The following TPO variants were observed in gnomAD, a reference collection of about 807,000 sequenced individuals.
TPO encodes thyroid peroxidase, also known as thyroid microsomal antigen.
In TPO, 78 loss-of-function variants were observed where a neutral mutation model predicts 96.9. The ratio of observed to expected loss-of-function variants is 0.81; its 90% CI spans 0.67 to 0.97. The LOEUF is 0.97. Among genes scored for constraint, TPO ranks in the 50% least tolerant of loss-of-function variants. TPO has a pLI of 0.00. For missense variants in TPO, 1,252 were observed against 1,274.8 expected (o/e 0.98, Z 0.27); for synonymous variants, 547 against 538.0 (o/e 1.02, Z -0.23).
intron 7 of TPO, 21 bp downstream of exon 7, chr2:1,456,303 CTA>C: frequency 1.2e-6 from 2 of 1,611,982 alleles, no homozygotes; most frequent in Non-Finnish European, 1.7e-6. Flanking sequence ...GAAAACGTTT[CTA>C]TGTTTGTTAT....
chr2:1,514,865 G>T (rs1286896335), intron 14 of TPO, among the ~76,000 whole-genome samples: 1 of 152,218 alleles, frequency 6.6e-6, no homozygotes, highest in Non-Finnish European at 1.5e-5. Context: ...GGGTAAACAT[G>T]GAGCTGCTTA....
At chr2:1,485,030 T>C (rs942540399) in intron 9 of TPO, among the ~76,000 whole-genome samples, 176 bp downstream of exon 9, 3 of 152,158 alleles carry the variant, frequency 2.0e-5, no homozygotes, top group African/African-American at 7.2e-5. Context: ...TTACATTAGG[T>C]ATTTCTCCTA....
rs1378500955 is a variant in TPO, at chr2:1,477,412, C to T, written c.1146C>T (p.Pro382=). 6 of 1,525,550 alleles carry T rather than the reference C, an allele frequency of 3.9e-6. No homozygotes were observed. The highest frequency in any genetic ancestry group is 2.5e-5 in the East Asian group (1 of 39,760). 94.5% of individuals were successfully genotyped at this position (1,525,550 alleles called of 1,614,324 possible). ...CCTGTGCGCCCGAGCCCGGCATCCCCGGAGAGACCCGCGGGCCCTGCTTCC... is the reference window on the plus strand; with the variant it reads ...CCTGTGCGCCCGAGCCCGGCATCCCTGGAGAGACCCGCGGGCCCTGCTTCC... ...PAACAPEPGI[P]GETRGPCFLA... Residue 382 remains proline, a synonymous_variant, in exon 8 of 17, where the codon CCC becomes CCT. Transcript: ENST00000329066.
At chr2:1,445,307 G>T (rs1213725353) in intron 5 of TPO, among the ~76,000 whole-genome samples, 2 of 100,532 alleles carry the variant, frequency 2.0e-5, no homozygotes, top group African/African-American at 7.6e-5. Context: ...GAATGGGCAG[G>T]CTCCTTCCTG....
intron 7 of TPO, among the ~76,000 whole-genome samples, chr2:1,464,204 A>G (rs1668694524): frequency 6.6e-6 from 1 of 152,196 alleles, no homozygotes; most frequent in African/African-American, 2.4e-5. Flanking sequence ...AATCTCAACC[A>G]GGTCTCTGCA....
chr2:1,453,615 T>G, intron 5 of TPO, 79 bp from the exon 6 acceptor site: 2 of 1,608,994 alleles, frequency 1.2e-6, no homozygotes, highest in South Asian at 1.1e-5. Context: ...TCCCTGAGAA[T>G]GGTGTCTTAT....
rs540074745 is a variant in TPO at position 1,512,450 on chromosome 2, G to A, written c.2519-4433G>A. On this transcript the variant is annotated intron_variant, in intron 14 of 16. Transcript: ENST00000329066. ...CTGAGCCCGGCCCGGACCAGCGCCC[G>A]TGCTCAGGGCAGCTGTGCGCTCCGC... The A allele has an allele frequency of 4.7e-4, 461 of 985,456 alleles. 1 individual carries two copies. The highest frequency in any genetic ancestry group is 1.6e-3 in the Middle Eastern group (3 of 1,914). 61.0% of individuals were successfully genotyped at this position (985,456 alleles called of 1,614,324 possible).
intron 10 of TPO, among the ~76,000 whole-genome samples, chr2:1,490,616 G>C (rs1441025810): frequency 6.6e-6 from 1 of 152,206 alleles, no homozygotes; most frequent in East Asian, 1.9e-4. Context: ...CTTTCTAAAA[G>C]ATGGATCGAG....
intron 7 of TPO, among the ~76,000 whole-genome samples, chr2:1,461,743 C>T (rs1668456604): frequency 6.6e-6 from 1 of 152,160 alleles, no homozygotes; most frequent in South Asian, 2.1e-4. Context: ...TATACATGCT[C>T]ATGACACACA....
At chr2:1,536,928 C>T (rs1250872513) in intron 15 of TPO, among the ~76,000 whole-genome samples, 2 of 112,498 alleles carry the variant, frequency 1.8e-5, no homozygotes, top group East Asian at 3.3e-4. Context: ...CTCCCAAATC[C>T]CCCCCAATGT....
At chr2:1,446,298 C>G (rs1486355760) in intron 5 of TPO, among the ~76,000 whole-genome samples, 3 of 152,222 alleles carry the variant, frequency 2.0e-5, no homozygotes, top group African/African-American at 4.8e-5. Context: ...CCTGGCTTCT[C>G]CACCTCCAGG....
chr2:1,537,396 C>T (rs76410225), intron 15 of TPO, among the ~76,000 whole-genome samples: 6,007 of 142,108 alleles, frequency 0.042, 562 homozygotes, highest in African/African-American at 0.16. Context: ...CTCAAATCCC[C>T]CCACTGTGAG....
At chr2:1,386,361 AG>A (rs1244250532) in intron 1 of TPO, among the ~76,000 whole-genome samples, 1 of 152,158 alleles carries the variant, frequency 6.6e-6, no homozygotes, top group African/African-American at 2.4e-5. Flanking sequence ...GTCTCTTTGT[AG>A]GTCTCTAAGG....
At chr2:1,542,348 T>G in intron 16 of TPO, 73 bp from the exon 17 acceptor site, 1 of 1,591,212 alleles carries the variant, frequency 6.3e-7, no homozygotes. Flanking sequence ...CCTTCTGTCT[T>G]GTATCAAGTG....
chr2:1,520,804 C>T (rs1033531277), intron 15 of TPO, among the ~76,000 whole-genome samples: 25 of 152,294 alleles, frequency 1.6e-4, no homozygotes, highest in African/African-American at 6.0e-4. Flanking sequence ...GTCAGTTTTG[C>T]CAATTAGACC....
intron 3 of TPO, among the ~76,000 whole-genome samples, chr2:1,426,325 G>A (rs1242735322): frequency 6.8e-6 from 1 of 148,032 alleles, no homozygotes; most frequent in African/African-American, 2.5e-5. Flanking sequence ...ACAGAGATGA[G>A]TTCGATCATT....
rs767638357 is a variant in TPO, at chr2:1,542,500, A to ACAGCTTC, written c.*27_*33dup. On this transcript the variant is annotated 3_prime_UTR_variant, in exon 17 of 17. Coordinates refer to ENST00000329066, the MANE Select transcript of TPO (RefSeq NM_001206744.2). Reference sequence around the variant, plus strand: ...GGGCAAAGTGGCAGGACACTGCAGAACAGCTTCATGTTCCCAAAATCACCG... The same window carrying ACAGCTTC: ...GGGCAAAGTGGCAGGACACTGCAGAACAGCTTCCAGCTTCATGTTCCCAAAATCACCG... 2.5e-6 allele frequency: 4 copies of ACAGCTTC among 1,613,988 alleles called. No homozygotes were observed. The South Asian group carries it at 4.4e-5, about 18-fold the overall frequency.
At chr2:1,416,852 C>A (rs988382716) in intron 2 of TPO, among the ~76,000 whole-genome samples, 3 of 152,216 alleles carry the variant, frequency 2.0e-5, no homozygotes, top group African/African-American at 7.2e-5. Context: ...AAAACCTTGG[C>A]CTGCTCCCCA....
intron 3 of TPO, among the ~76,000 whole-genome samples, chr2:1,427,461 T>A (rs1416452216): frequency 1.3e-5 from 2 of 151,976 alleles, no homozygotes; most frequent in Admixed American, 1.3e-4. Context: ...TGGTAGTGAG[T>A]GGCCCCATGA....
Sources: allele counts gnomAD v4.1 joint callset (sites outside exome capture counted in the v4.1 genomes callset), GRCh38; gene constraint gnomAD v4.1.1; transcripts MANE v1.5; gene names NCBI Gene and HGNC (gene_info 2026-07-23, HGNC 2026-07-21).